The following CLSTN1 variants were observed in gnomAD, a reference collection of about 807,000 sequenced individuals.
CLSTN1 encodes the protein calsyntenin 1.
Under a neutral mutation model 108.3 loss-of-function variants are expected in CLSTN1, and 28 were observed. That is an observed-to-expected ratio of 0.26 (90% CI 0.19 to 0.35). The LOEUF (loss-of-function observed/expected upper bound fraction) is 0.35, where lower values mean the gene tolerates loss of function less well. CLSTN1 is among the 10% of genes least tolerant of loss of function. CLSTN1 has a pLI of 1.00. For missense variants in CLSTN1, 1,157 were observed against 1,302.6 expected (o/e 0.89, Z 1.72); for synonymous variants, 524 against 534.9 (o/e 0.98, Z 0.28).
chr1:9,735,768 C>A (rs1384626065), intron 12 of CLSTN1, 117 bp downstream of exon 12: 4 of 1,506,006 alleles, frequency 2.7e-6, no homozygotes, highest in South Asian at 1.2e-5. Context: ...GAACACAACT[C>A]TTTTACCCAA....
At chr1:9,793,419 AT>A in intron 1 of CLSTN1, among the ~76,000 whole-genome samples, 1 of 151,528 alleles carries the variant, frequency 6.6e-6, no homozygotes, top group South Asian at 2.2e-4. Flanking sequence ...GCCAGGCAAG[AT>A]TTTCTAGACA....
intron 1 of CLSTN1, among the ~76,000 whole-genome samples, chr1:9,775,833 A>G (rs1652912293): frequency 6.6e-6 from 1 of 152,090 alleles, no homozygotes; most frequent in Non-Finnish European, 1.5e-5. Flanking sequence ...ACATTCCAGG[A>G]TGTGATGCTA....
chr1:9,777,338 G>T (rs1051651610), intron 1 of CLSTN1, among the ~76,000 whole-genome samples: 2 of 151,068 alleles, frequency 1.3e-5, no homozygotes, highest in African/African-American at 4.9e-5. Flanking sequence ...TGACCAATAT[G>T]GTAAAATCCT....
At chr1:9,781,047 G>A (rs1653219089) in intron 1 of CLSTN1, 1 of 553,136 alleles carries the variant, frequency 1.8e-6, no homozygotes, top group African/African-American at 1.9e-5. Flanking sequence ...TTGGGATTAA[G>A]AGTATCCAAC....
chr1:9,730,487 C>T lies in CLSTN1; in HGVS notation c.*21G>A, dbSNP rs556240045. ...CAGCAGAGTCTTCGAAAGCAGAAAC[C>T]GAGGTGGCCGGGGGCACGGGTCAGT... On this transcript the variant is annotated 3_prime_UTR_variant, in exon 19 of 19. Coordinates refer to ENST00000377298, the MANE Select transcript of CLSTN1 (RefSeq NM_001009566.3). The surrounding 1 kb of genome is among the most constrained non-coding windows in gnomAD (Gnocchi z 5.6). 10 of 1,597,330 alleles carry T rather than the reference C, an allele frequency of 6.3e-6. No homozygotes were observed. In the South Asian group the frequency reaches 6.6e-5, roughly 11 times the overall value.
chr1:9,741,176 G>A lies in CLSTN1; in HGVS notation c.1437C>T (p.His479=), dbSNP rs775303416. The A allele has an allele frequency of 8.1e-6, 13 of 1,613,964 alleles. No individual in the cohort carries two copies. In the Admixed American group the frequency reaches 1.5e-4, roughly 19 times the overall value. The change falls in exon 10 of 19, where the codon CAC becomes CAT. Residue 479 remains histidine (H), a synonymous_variant. Coordinates refer to ENST00000377298, the MANE Select transcript of CLSTN1 (RefSeq NM_001009566.3). ...AATCCTCAGTCACAGAGAAGGGCTC[G>A]TGGGACGTGCCATCCACATAGAGAG... The part of the protein sequence containing the change: ...SVTLYVDGTS[H]EPFSVTEDYP...
intron 1 of CLSTN1, among the ~76,000 whole-genome samples, chr1:9,786,376 T>C (rs1653487321): frequency 6.6e-6 from 1 of 152,078 alleles, no homozygotes; most frequent in African/African-American, 2.4e-5. Context: ...GCGCGGTGGC[T>C]CATGCCTGTA....
intron 1 of CLSTN1, among the ~76,000 whole-genome samples, chr1:9,794,428 C>A (rs973554642): frequency 1.3e-5 from 2 of 151,470 alleles, no homozygotes; most frequent in African/African-American, 4.8e-5. Flanking sequence ...CCTGCCTCAA[C>A]CTCCCAAGTA....
chr1:9,741,383 C>T (rs532280256), intron 9 of CLSTN1, 127 bp from the exon 10 acceptor site: 1 of 894,114 alleles, frequency 1.1e-6, no homozygotes, highest in Non-Finnish European at 1.7e-6. Context: ...AATCTAACCA[C>T]AAAATATCTG....
At chr1:9,808,671 G>C (rs1654607330) in intron 1 of CLSTN1, among the ~76,000 whole-genome samples, 2 of 152,084 alleles carry the variant, frequency 1.3e-5, no homozygotes, top group South Asian at 4.2e-4. Flanking sequence ...CCTGGGGACA[G>C]ACTGAGTGGA....
chr1:9,749,225 C>T (rs1481306478), intron 7 of CLSTN1, among the ~76,000 whole-genome samples: 1 of 152,088 alleles, frequency 6.6e-6, no homozygotes, highest in Non-Finnish European at 1.5e-5. Flanking sequence ...TTAAAATGCA[C>T]ATATACACAA....
intron 2 of CLSTN1, among the ~76,000 whole-genome samples, chr1:9,760,507 G>C (rs1291740945): frequency 6.6e-6 from 1 of 151,966 alleles, no homozygotes; most frequent in African/African-American, 2.4e-5. Context: ...GCAAGACAGG[G>C]GCTACCACAG....
chr1:9,748,644 T>C (rs1328844059), intron 7 of CLSTN1, among the ~76,000 whole-genome samples: 1 of 152,012 alleles, frequency 6.6e-6, no homozygotes, highest in Non-Finnish European at 1.5e-5. Context: ...TGCACCGCCA[T>C]GCCCGGCTAG....
intron 2 of CLSTN1, among the ~76,000 whole-genome samples, chr1:9,768,560 T>G (rs1174998083): frequency 6.9e-3 from 314 of 45,184 alleles, no homozygotes; most frequent in Non-Finnish European, 9.1e-3. Context: ...CTGTGCTGGG[T>G]GGCACCATGG....
intron 16 of CLSTN1, 45 bp downstream of exon 16, chr1:9,733,356 C>A (rs1650507210): frequency 1.9e-6 from 3 of 1,609,856 alleles, no homozygotes; most frequent in Non-Finnish European, 2.6e-6. Flanking sequence ...AGCGCCCTCA[C>A]TCACTGCTGC....
At chr1:9,787,963 T>C (rs1653572429) in intron 1 of CLSTN1, among the ~76,000 whole-genome samples, 1 of 151,406 alleles carries the variant, frequency 6.6e-6, no homozygotes, top group African/African-American at 2.4e-5. Flanking sequence ...AATTTGACTA[T>C]TTGACTAAGG....
At position 9,735,447 on chromosome 1, in the gene CLSTN1, T is replaced by C. The variant is rs371302372; in HGVS notation, c.1883+20A>G. ...GTGTCATTGGGCAAAACAGGCCGGC[T>C]GTTAAAAATCAGGACGTACTTGATT... On this transcript the variant is annotated intron_variant, in intron 13 of 18. Coordinates refer to ENST00000377298, the MANE Select transcript of CLSTN1 (RefSeq NM_001009566.3). 69 of 1,614,046 alleles carry C rather than the reference T, an allele frequency of 4.3e-5. No homozygotes were observed. In the South Asian group the frequency reaches 4.9e-4, roughly 12 times the overall value.
At chr1:9,780,650 A>T (rs1174305335) in intron 1 of CLSTN1, among the ~76,000 whole-genome samples, 1 of 152,228 alleles carries the variant, frequency 6.6e-6, no homozygotes, top group Non-Finnish European at 1.5e-5. Context: ...TTCAATTTGC[A>T]TCATAAAACA....
At position 9,751,526 on chromosome 1, in the gene CLSTN1, A is replaced by G; in HGVS notation, c.596T>C (p.Ile199Thr). The change falls in exon 5 of 19, where the codon ATT becomes ACT. Residue 199 changes from isoleucine (I) to threonine (T), a missense_variant. Ile to Thr is a moderately conservative substitution (Grantham distance 89). Coordinates refer to ENST00000377298, the MANE Select transcript of CLSTN1 (RefSeq NM_001009566.3). ...TGGAGTGATGATTTCGTAGCTGCAA[A>G]TCTGGCTGAACTGAGGGGAGCAGTC... is the stretch of plus-strand genomic sequence containing the variant. ...DADCSPQFSQ[I>T]CSYEIITPDV... The G allele has an allele frequency of 6.2e-7, 1 of 1,614,160 alleles. No homozygotes were observed.
Sources: allele counts gnomAD v4.1 joint callset (sites outside exome capture counted in the v4.1 genomes callset), GRCh38; gene constraint gnomAD v4.1.1; non-coding constraint Gnocchi (gnomAD v3.1); transcripts MANE v1.5; gene names NCBI Gene and HGNC (gene_info 2026-07-23, HGNC 2026-07-21).